The following SPATS2L variants were observed in gnomAD, a reference collection of about 807,000 sequenced individuals.
The protein encoded by SPATS2L is spermatogenesis associated serine rich 2 like.
SPATS2L carries 30 observed loss-of-function variants against 59.6 expected under a neutral mutation model. That is an observed-to-expected ratio of 0.50 (90% CI 0.38 to 0.68). The LOEUF is 0.68. SPATS2L is among the 30% of genes least tolerant of loss of function. The probability of loss-of-function intolerance (pLI) is 0.00; values close to 1 mark genes in which losing one functional copy is unlikely to be tolerated. For synonymous variants in SPATS2L, 252 were observed against 263.5 expected, an observed-to-expected ratio of 0.96 and a Z score of 0.42; for missense variants, 615 against 700.0, an observed-to-expected ratio of 0.88 and a Z score of 1.37.
At chr2:200,401,100 G>C (rs919553409) in intron 3 of SPATS2L, among the ~76,000 whole-genome samples, 2 of 152,158 alleles carry the variant, frequency 1.3e-5, no homozygotes, top group African/African-American at 4.8e-5. Context: ...GTGGCTCTCT[G>C]GGCTGCCATG....
At chr2:200,413,572 A>G (rs1200792540) in intron 4 of SPATS2L, among the ~76,000 whole-genome samples, 1 of 152,232 alleles carries the variant, frequency 6.6e-6, no homozygotes, top group Non-Finnish European at 1.5e-5. Context: ...CAAGCTACAC[A>G]TAATCTGTCA....
At chr2:200,399,274 T>A (rs2082447367) in intron 3 of SPATS2L, among the ~76,000 whole-genome samples, 1 of 152,188 alleles carries the variant, frequency 6.6e-6, no homozygotes, top group African/African-American at 2.4e-5. Context: ...CCTGCTTCTA[T>A]GAGTTTGACT....
intron 2 of SPATS2L, among the ~76,000 whole-genome samples, chr2:200,358,218 G>T (rs568106755): frequency 6.6e-6 from 1 of 152,274 alleles, no homozygotes; most frequent in African/African-American, 2.4e-5. Flanking sequence ...ACCATCTTAG[G>T]AGACCATTTT....
intron 2 of SPATS2L, among the ~76,000 whole-genome samples, chr2:200,369,576 G>A (rs1378446359): frequency 6.6e-6 from 1 of 152,098 alleles, no homozygotes; most frequent in Non-Finnish European, 1.5e-5. Flanking sequence ...TCCAGGGTGA[G>A]CTGGATAGTA....
intron 2 of SPATS2L, among the ~76,000 whole-genome samples, chr2:200,341,935 A>G (rs1390774171): frequency 6.6e-6 from 1 of 151,906 alleles, no homozygotes; most frequent in Non-Finnish European, 1.5e-5. Flanking sequence ...CGATCCGCCT[A>G]CCTCAGCCTC....
intron 8 of SPATS2L, among the ~76,000 whole-genome samples, chr2:200,456,728 C>A (rs1186631042): frequency 1.3e-5 from 2 of 152,180 alleles, no homozygotes; most frequent in Non-Finnish European, 2.9e-5. Flanking sequence ...TGCCTGCAGT[C>A]TGCTCCTCTC....
In SPATS2L at chr2:200,400,253, A is replaced by C. The variant is rs192308014; in HGVS notation, c.39+10970A>C. Among the ~76,000 whole-genome samples the C allele has an allele frequency of 2.2e-3, 335 of 152,300 alleles. 4 individuals are homozygous for C. Among genetic ancestry groups the C allele is most frequent in the Non-Finnish European group, 1.0e-3 (70 of 68,022 alleles). ...GAATATTTACCTAAGTCCTAATACC[A>C]TGTAGGTATAACCAGCTGGCTGAAA... On this transcript the variant is annotated intron_variant, in intron 3 of 12. Transcript: ENST00000409140.
intron 12 of SPATS2L, among the ~76,000 whole-genome samples, chr2:200,476,235 G>A (rs1574766634): frequency 6.6e-6 from 1 of 152,074 alleles, no homozygotes. Flanking sequence ...AATTTTCTTT[G>A]CTTATAACTG....
chr2:200,354,503 G>T (rs909170037), intron 2 of SPATS2L, among the ~76,000 whole-genome samples: 3 of 152,118 alleles, frequency 2.0e-5, no homozygotes, highest in African/African-American at 7.2e-5. Context: ...AGCTACTCAG[G>T]AGGCTGAGGC....
chr2:200,359,282 T>A (rs2081021431), intron 2 of SPATS2L, among the ~76,000 whole-genome samples: 1 of 152,184 alleles, frequency 6.6e-6, no homozygotes, highest in Admixed American at 6.5e-5. Flanking sequence ...ACCACCTTTA[T>A]CACTCTAATC....
rs964906128 is a variant in SPATS2L, at chr2:200,478,020, T to C, written c.1666T>C (p.Leu556=). 1 of 1,556,648 alleles carries C rather than the reference T, an allele frequency of 6.4e-7. No homozygotes were observed. The highest frequency in any genetic ancestry group is 1.4e-5 in the African/African-American group (1 of 72,756). The change falls in exon 13 of 13, where the codon TTG becomes CTG. Residue 556 remains leucine, a synonymous_variant. Transcript: ENST00000409140. ...AAVLSVPAVT[L]VA ...AGTTCTCTCAGTCCCGGCTGTGACG[T>C]TGGTGGCCTGAGCTAGGAGGAAAAA...
At chr2:200,382,942 T>A (rs1021511832) in intron 2 of SPATS2L, among the ~76,000 whole-genome samples, 2 of 152,186 alleles carry the variant, frequency 1.3e-5, no homozygotes, top group African/African-American at 4.8e-5. Flanking sequence ...TCCATGAGAA[T>A]CTATTTCTTG....
At chr2:200,406,290 T>A (rs2082684274) in intron 3 of SPATS2L, among the ~76,000 whole-genome samples, 1 of 152,230 alleles carries the variant, frequency 6.6e-6, no homozygotes, top group Non-Finnish European at 1.5e-5. Context: ...TTTTCTCACC[T>A]TTGCCAATCG....
intron 2 of SPATS2L, chr2:200,351,180 A>G (rs775868366): frequency 3.8e-5 from 18 of 468,058 alleles, no homozygotes; most frequent in Non-Finnish European, 5.3e-5. Flanking sequence ...GGAGAAGTGC[A>G]TTTGTGTATT....
At chr2:200,409,633 A>G (rs1436495519) in intron 3 of SPATS2L, among the ~76,000 whole-genome samples, 2 of 152,254 alleles carry the variant, frequency 1.3e-5, no homozygotes, top group African/African-American at 4.8e-5. Context: ...CAACATTACT[A>G]TGTAATATCC....
At position 200,377,086 on chromosome 2, in the gene SPATS2L, G is replaced by T. The variant is rs773910738; in HGVS notation, c.-22-12137G>T. ...CTTTTATAGCACTTTTATAGCACTT[G>T]CTGTGTGCCAGGCACTGTTGTAATC... On this transcript the variant is annotated intron_variant, in intron 2 of 12. Coordinates refer to ENST00000409140, the MANE Select transcript of SPATS2L (RefSeq NM_001100423.2). 2.1e-4 allele frequency among the ~76,000 whole-genome samples: 32 copies of T among 152,322 alleles called. No homozygotes were observed. In the Middle Eastern group the frequency reaches 0.01, roughly 49 times the overall value.
chr2:200,311,548 A>G (rs768613682), intron 1 of SPATS2L, among the ~76,000 whole-genome samples: 15 of 152,226 alleles, frequency 9.9e-5, no homozygotes, highest in Non-Finnish European at 2.2e-4. Flanking sequence ...TGGCTCTAAA[A>G]TTTCAGACTG....
chr2:200,347,835 T>C (rs2080569664), intron 2 of SPATS2L, among the ~76,000 whole-genome samples: 1 of 152,248 alleles, frequency 6.6e-6, no homozygotes, highest in Admixed American at 6.5e-5. Flanking sequence ...TAGATTCATT[T>C]ATAGTAAACG....
chr2:200,467,716 C>T (rs71424260), intron 10 of SPATS2L, among the ~76,000 whole-genome samples: 5,128 of 152,252 alleles, frequency 0.034, 93 homozygotes, highest in African/African-American at 0.043. Context: ...TTTTCACACA[C>T]TGTGATTTGT....
Sources: allele counts gnomAD v4.1 joint callset (sites outside exome capture counted in the v4.1 genomes callset), GRCh38; gene constraint gnomAD v4.1.1; transcripts MANE v1.5; gene names NCBI Gene and HGNC (gene_info 2026-07-23, HGNC 2026-07-21).